Variants in ARL5A observed in about 807,000 individuals in gnomAD.
The protein encoded by ARL5A is ADP-ribosylation factor-like protein 5A.
Under a neutral mutation model 25.9 loss-of-function variants are expected in ARL5A, and 18 were observed. That is an observed-to-expected ratio of 0.69 (90% CI 0.48 to 1.03). ARL5A has a LOEUF of 1.03. Ranked by LOEUF, ARL5A falls within the 50% of genes least tolerant of loss-of-function variation. The probability of loss-of-function intolerance (pLI) is 0.00; values close to 1 mark genes in which losing one functional copy is unlikely to be tolerated. For synonymous variants in ARL5A, 61 were observed against 67.5 expected, an observed-to-expected ratio of 0.90 and a Z score of 0.47; for missense variants, 170 against 211.9, an observed-to-expected ratio of 0.80 and a Z score of 1.23.
chr2:151,827,996 C>G, intron 1 of ARL5A, 135 bp downstream of exon 1: 1 of 877,296 alleles, frequency 1.1e-6, no homozygotes, highest in South Asian at 1.5e-5. Flanking sequence ...GGGCCCGTAT[C>G]CGCGCAGCCT....
At position 151,828,194 on chromosome 2, in the gene ARL5A, C is replaced by CCG. The variant is rs1553735361; in HGVS notation, c.-19_-18insCG. The CCG allele has an allele frequency of 1.9e-6, 3 of 1,605,354 alleles. No individual in the cohort carries two copies. Among genetic ancestry groups the CCG allele is most frequent in the Admixed American group, 3.4e-5 (2 of 59,154 alleles). ...ATTCCCATTCTCGGGCAGCGGACCC[C>CCG]CCCCCTCCAGACACCCGGGCCGCCT... On this transcript the variant is annotated 5_prime_UTR_variant, in exon 1 of 6. Coordinates refer to ENST00000295087, the MANE Select transcript of ARL5A (RefSeq NM_012097.4).
intron 3 of ARL5A, among the ~76,000 whole-genome samples, chr2:151,813,808 G>A (rs1468202768): frequency 1.3e-5 from 2 of 152,114 alleles, no homozygotes; most frequent in Non-Finnish European, 2.9e-5. Flanking sequence ...TAGTAAAACT[G>A]GCTAGGATTC....
chr2:151,809,313 T>C (rs1559818939), intron 4 of ARL5A, among the ~76,000 whole-genome samples: 1 of 152,210 alleles, frequency 6.6e-6, no homozygotes, highest in Non-Finnish European at 1.5e-5. Flanking sequence ...ATGAAATTAT[T>C]TGTAGAAGCC....
Position 151,800,092 on chromosome 2 carries a change from T to C in ARL5A, c.*3184A>G, listed in dbSNP as rs1427267896. On this transcript the variant is annotated 3_prime_UTR_variant, in exon 6 of 6. Transcript: ENST00000295087. ...TGGAGTTTGGAGATAACCGATGATG[T>C]GGTATTATCTCCTGTATACAAAGCA... is the stretch of plus-strand genomic sequence containing the variant. The C allele has an allele frequency of 6.6e-6, 1 of 152,178 alleles. No individual in the cohort carries two copies. Among genetic ancestry groups the C allele is most frequent in the Non-Finnish European group, 1.5e-5 (1 of 68,036 alleles). The allele number at this position is 152,178 out of a possible 1,614,324, so 9.4% of individuals were successfully genotyped here. A position where few individuals can be genotyped will look rare whatever the true frequency, so the allele number is the denominator to read the frequency against.
rs769036507 is a variant in ARL5A at position 151,814,262 on chromosome 2, C to T, written c.162G>A (p.Glu54=). 1.2e-6 allele frequency: 2 copies of T among 1,603,064 alleles called. No individual in the cohort carries two copies. Among genetic ancestry groups the T allele is most frequent in the South Asian group, 1.1e-5 (1 of 88,760 alleles). Residue 54 remains glutamate, a synonymous_variant, in exon 3 of 6, where the codon GAG becomes GAA. Transcript: ENST00000295087. ...TSPTIGSNVE[E]IVINNTRFLM... is the part of the protein sequence containing the mutation. ...GGAAACGTGTATTATTAATCACTATCTCTTCTACATTACTTCCTATTGTAG... is the reference window on the plus strand; with the variant it reads ...GGAAACGTGTATTATTAATCACTATTTCTTCTACATTACTTCCTATTGTAG...
intron 4 of ARL5A, chr2:151,810,557 T>C (rs1416908067): frequency 4.5e-6 from 2 of 446,266 alleles, no homozygotes; most frequent in Admixed American, 2.4e-5. Flanking sequence ...GTCTTCTTTT[T>C]ACTTCTGCTA....
intron 4 of ARL5A, chr2:151,810,352 C>T: frequency 5.1e-6 from 1 of 195,280 alleles, no homozygotes; most frequent in Non-Finnish European, 1.1e-5. Flanking sequence ...CAACTAACAT[C>T]ATGTCTACAT....
At chr2:151,811,135 T>C (rs1343476422) in intron 4 of ARL5A, among the ~76,000 whole-genome samples, 1 of 152,142 alleles carries the variant, frequency 6.6e-6, no homozygotes, top group African/African-American at 2.4e-5. Context: ...TTGGTGGTCA[T>C]AAGGAAATGA....
At chr2:151,819,068 C>T (rs527915685) in intron 1 of ARL5A, among the ~76,000 whole-genome samples, 1 of 151,944 alleles carries the variant, frequency 6.6e-6, no homozygotes, top group African/African-American at 2.4e-5. Context: ...AAAAACAGTA[C>T]AAAATTAGCA....
intron 4 of ARL5A, 94 bp downstream of exon 4, chr2:151,812,263 T>C (rs900816276): frequency 5.1e-5 from 40 of 789,524 alleles, no homozygotes; most frequent in South Asian, 2.8e-4. Flanking sequence ...TTTTAAAAAT[T>C]TGAAATTGAT....
chr2:151,822,902 A>C (rs530671554), intron 1 of ARL5A, among the ~76,000 whole-genome samples: 2 of 152,188 alleles, frequency 1.3e-5, no homozygotes, highest in African/African-American at 4.8e-5. Context: ...CTTTTGACAC[A>C]GGCAGTCTAC....
Position 151,802,730 on chromosome 2 carries a change from T to C in ARL5A, c.*546A>G, listed in dbSNP as rs1391118098. 1 of 153,060 alleles carries C rather than the reference T, an allele frequency of 6.5e-6. No homozygotes were observed. Among genetic ancestry groups the C allele is most frequent in the Non-Finnish European group, 1.5e-5 (1 of 68,434 alleles). 9.5% of individuals were successfully genotyped at this position (153,060 alleles called of 1,614,324 possible). ...GCCAATACTTATCTCATTGTGGTTA[T>C]AACGAAGGATATTATTATTTGTGTT... On this transcript the variant is annotated 3_prime_UTR_variant, in exon 6 of 6. Transcript: ENST00000295087.
Position 151,799,074 on chromosome 2 carries a change from A to T in ARL5A, c.*4202T>A, listed in dbSNP as rs2099829070. On this transcript the variant is annotated 3_prime_UTR_variant, in exon 6 of 6. Coordinates refer to ENST00000295087, the MANE Select transcript of ARL5A (RefSeq NM_012097.4). ...ACTAGAAAGTTACTTTTTAGCATCC[A>T]AAATTGTAATTTCTGGCTTTCTTTC... 6.6e-6 allele frequency: 1 copy of T among 152,232 alleles called. No homozygotes were observed. The allele number at this position is 152,232 out of a possible 1,614,324, so 9.4% of individuals were successfully genotyped here.
chr2:151,819,192 A>C (rs2099831918), intron 1 of ARL5A, among the ~76,000 whole-genome samples: 1 of 152,250 alleles, frequency 6.6e-6, no homozygotes, highest in African/African-American at 2.4e-5. Context: ...CAACGAAGTA[A>C]AAAACAGTAC....
At chr2:151,811,340 ACT>A (rs1376565275) in intron 4 of ARL5A, among the ~76,000 whole-genome samples, 2 of 151,892 alleles carry the variant, frequency 1.3e-5, no homozygotes, top group Non-Finnish European at 2.9e-5. Context: ...GAAATAAAAA[ACT>A]CTATATATCT....
chr2:151,813,053 C>T (rs1016059622), intron 3 of ARL5A, among the ~76,000 whole-genome samples: 1 of 152,096 alleles, frequency 6.6e-6, no homozygotes, highest in Non-Finnish European at 1.5e-5. Context: ...CTGAGCTCCA[C>T]CCCAGCTCTT....
intron 1 of ARL5A, among the ~76,000 whole-genome samples, chr2:151,821,449 A>G (rs1419821506): frequency 6.6e-6 from 1 of 152,258 alleles, no homozygotes; most frequent in Non-Finnish European, 1.5e-5. Context: ...ATGTGGTCTG[A>G]GATCTCTGGA....
chr2:151,805,004 T>C (rs980431374), intron 5 of ARL5A, among the ~76,000 whole-genome samples: 1 of 152,182 alleles, frequency 6.6e-6, no homozygotes, highest in Non-Finnish European at 1.5e-5. Flanking sequence ...TTAATATCTA[T>C]ACTAATGATA....
At chr2:151,824,134 G>A (rs561070907) in intron 1 of ARL5A, among the ~76,000 whole-genome samples, 6 of 152,224 alleles carry the variant, frequency 3.9e-5, no homozygotes, top group South Asian at 2.1e-4. Flanking sequence ...ACCATACTTC[G>A]AGTACCCATG....
Sources: gnomAD v4.1 joint callset for allele counts (sites outside exome capture counted in the v4.1 genomes callset) on GRCh38, gnomAD v4.1.1 for gene constraint, MANE v1.5 for transcripts, NCBI Gene and HGNC (gene_info 2026-07-23, HGNC 2026-07-21) for gene names.